Variants in C8orf34 observed in about 807,000 individuals in gnomAD.
C8orf34 encodes the protein uncharacterized protein C8orf34.
Under a neutral mutation model 68.3 loss-of-function variants are expected in C8orf34, and 65 were observed. The observed-to-expected ratio is 0.95, with a 90% CI of 0.78 to 1.17. The LOEUF (loss-of-function observed/expected upper bound fraction) is 1.17. C8orf34 is among the 50% of genes most tolerant of loss of function. The pLI is 0.00. For missense variants in C8orf34, 664 were observed against 655.4 expected (o/e 1.01, Z -0.14); for synonymous variants, 244 against 241.2 (o/e 1.01, Z -0.11).
At chr8:68,343,649 A>T (rs1436552985) in intron 1 of C8orf34, among the ~76,000 whole-genome samples, 1 of 150,202 alleles carries the variant, frequency 6.7e-6, no homozygotes, top group Non-Finnish European at 1.5e-5. Flanking sequence ...GCTGGAGTGC[A>T]GTGGCACAAT....
chr8:68,522,377 G>A (rs1282082634), intron 6 of C8orf34, among the ~76,000 whole-genome samples: 1 of 152,146 alleles, frequency 6.6e-6, no homozygotes, highest in African/African-American at 2.4e-5. Flanking sequence ...ATGTATAATA[G>A]ACCATAGGAG....
At chr8:68,636,824 A>G (rs1290532250) in intron 7 of C8orf34, among the ~76,000 whole-genome samples, 2 of 152,162 alleles carry the variant, frequency 1.3e-5, no homozygotes, top group Non-Finnish European at 2.9e-5. Context: ...TTAAGCCTCC[A>G]CATGGAATTC....
intron 7 of C8orf34, among the ~76,000 whole-genome samples, chr8:68,568,838 GA>G (rs2130243913): frequency 6.6e-6 from 1 of 152,328 alleles, no homozygotes; most frequent in Non-Finnish European, 1.5e-5. Context: ...TTTCTGGCAA[GA>G]GCCAGATAAT....
intron 8 of C8orf34, among the ~76,000 whole-genome samples, chr8:68,708,348 A>G (rs1048453130): frequency 7.2e-5 from 11 of 152,246 alleles, no homozygotes; most frequent in Non-Finnish European, 1.5e-5. Context: ...AAAAGCAAAG[A>G]CATAAAATGG....
chr8:68,625,425 GTTA>G lies in C8orf34; in HGVS notation c.1106-14947_1106-14945del, dbSNP rs1297210759. On this transcript the variant is annotated intron_variant, in intron 7 of 13. Coordinates refer to ENST00000518698, the MANE Select transcript of C8orf34 (RefSeq NM_052958.4). ...GAGGTGACAGAATGCTGCATGAGAT[GTTA>G]TTAAGGAAGAGCTCACAGAGGCAAC... 1.2e-5 allele frequency: 6 copies of G among 519,736 alleles called. No homozygotes were observed. The African/African-American group carries it at 1.2e-4, about 10-fold the overall frequency. 32.2% of individuals were successfully genotyped at this position (519,736 alleles called of 1,614,324 possible). A position where few individuals can be genotyped will look rare whatever the true frequency, so the allele number is the denominator to read the frequency against.
intron 7 of C8orf34, among the ~76,000 whole-genome samples, chr8:68,543,987 C>T (rs963671177): frequency 6.6e-6 from 1 of 152,116 alleles, no homozygotes; most frequent in African/African-American, 2.4e-5. Flanking sequence ...CTCCCCTGGC[C>T]AACTTGTTTG....
chr8:68,460,934 CT>C (rs1811789282), intron 3 of C8orf34, among the ~76,000 whole-genome samples: 1 of 152,188 alleles, frequency 6.6e-6, no homozygotes. Context: ...CGGAACAAAG[CT>C]GGACAGAGAA....
At chr8:68,473,805 C>G (rs1812482735) in intron 4 of C8orf34, among the ~76,000 whole-genome samples, 1 of 152,150 alleles carries the variant, frequency 6.6e-6, no homozygotes, top group Non-Finnish European at 1.5e-5. Context: ...ACACTGGTCA[C>G]CAGGTGATTT....
chr8:68,449,782 C>A (rs1811270150), intron 3 of C8orf34, among the ~76,000 whole-genome samples: 1 of 152,102 alleles, frequency 6.6e-6, no homozygotes, highest in Non-Finnish European at 1.5e-5. Flanking sequence ...ACATTGATGG[C>A]TGTGGACAGA....
At chr8:68,413,291 C>A (rs1190093772) in intron 1 of C8orf34, among the ~76,000 whole-genome samples, 1 of 152,168 alleles carries the variant, frequency 6.6e-6, no homozygotes, top group East Asian at 1.9e-4. Context: ...ATAATCAAAG[C>A]AATCTGAAGA....
intron 1 of C8orf34, among the ~76,000 whole-genome samples, chr8:68,423,810 A>G (rs1263039650): frequency 1.3e-5 from 2 of 152,178 alleles, no homozygotes; most frequent in Non-Finnish European, 2.9e-5. Context: ...AGGCCTCAGG[A>G]AACTTACAAT....
At chr8:68,672,826 C>T (rs563061663) in intron 8 of C8orf34, among the ~76,000 whole-genome samples, 236 of 152,298 alleles carry the variant, frequency 1.5e-3, no homozygotes, top group Non-Finnish European at 2.6e-3. Context: ...CTCTCCCAAC[C>T]TCAAGCAGTG....
At chr8:68,742,044 A>C (rs1822310108) in intron 10 of C8orf34, among the ~76,000 whole-genome samples, 1 of 152,134 alleles carries the variant, frequency 6.6e-6, no homozygotes, top group African/African-American at 2.4e-5. Context: ...CATACCTGTA[A>C]CCTTATCATA....
At chr8:68,593,429 A>G (rs1817454127) in intron 7 of C8orf34, among the ~76,000 whole-genome samples, 1 of 152,074 alleles carries the variant, frequency 6.6e-6, no homozygotes, top group Non-Finnish European at 1.5e-5. Flanking sequence ...TTATTGTTCC[A>G]TCAAAATATG....
intron 1 of C8orf34, among the ~76,000 whole-genome samples, chr8:68,414,052 T>G (rs972461160): frequency 9.8e-5 from 15 of 152,310 alleles, no homozygotes; most frequent in Non-Finnish European, 2.2e-4. Flanking sequence ...CTATTCTCTC[T>G]GTCTGGAATG....
In C8orf34 at chr8:68,502,544, C is replaced by T. The variant is rs554918835; in HGVS notation, c.765+14493C>T. Among the ~76,000 whole-genome samples the T allele has an allele frequency of 1.4e-4, 21 of 152,148 alleles. 1 individual carries two copies. In the South Asian group the frequency reaches 3.9e-3, roughly 29 times the overall value. Reference sequence around the variant, plus strand: ...TCCACATGTTCATAAAAAAAGCCATCGTTAGTCATTTTTGGGGGAGGTTAG... The same window carrying T: ...TCCACATGTTCATAAAAAAAGCCATTGTTAGTCATTTTTGGGGGAGGTTAG... On this transcript the variant is annotated intron_variant, in intron 5 of 13. Coordinates refer to ENST00000518698, the MANE Select transcript of C8orf34 (RefSeq NM_052958.4).
At chr8:68,407,654 C>T (rs1438514856) in intron 1 of C8orf34, among the ~76,000 whole-genome samples, 1 of 152,094 alleles carries the variant, frequency 6.6e-6, no homozygotes, top group East Asian at 1.9e-4. Flanking sequence ...TTTATTTTCT[C>T]ATCTGCGTTG....
chr8:68,570,353 A>G (rs1816726440), intron 7 of C8orf34, among the ~76,000 whole-genome samples: 1 of 152,206 alleles, frequency 6.6e-6, no homozygotes, highest in South Asian at 2.1e-4. Context: ...AACACAGTCA[A>G]CCATGGGAAC....
At chr8:68,488,089 G>C (rs768880505) in intron 5 of C8orf34, 38 bp downstream of exon 5, 1 of 1,446,434 alleles carries the variant, frequency 6.9e-7, no homozygotes, top group Non-Finnish European at 9.4e-7. Context: ...AGAAAATGTA[G>C]AACTTACCTT....
Sources: gnomAD v4.1 joint callset for allele counts (sites outside exome capture counted in the v4.1 genomes callset) on GRCh38, gnomAD v4.1.1 for gene constraint, MANE v1.5 for transcripts, NCBI Gene and HGNC (gene_info 2026-07-23, HGNC 2026-07-21) for gene names.